The following TJP3 variants were observed in gnomAD, a reference collection of about 807,000 sequenced individuals.
The protein encoded by TJP3 is tight junction protein 3, also known as tight junction protein ZO-3.
A neutral mutation model predicts 104.2 loss-of-function variants in TJP3; 85 were observed. The observed-to-expected ratio is 0.82, with a 90% CI of 0.68 to 0.98. The LOEUF (loss-of-function observed/expected upper bound fraction) is 0.98. Ranked by LOEUF, TJP3 falls within the 50% of genes least tolerant of loss-of-function variation. The pLI, the probability that TJP3 is intolerant of heterozygous loss-of-function variation, is 0.00. For synonymous variants in TJP3, 550 were observed against 550.6 expected, an observed-to-expected ratio of 1.00 and a Z score of 0.02; for missense variants, 1,367 against 1,322.8, an observed-to-expected ratio of 1.03 and a Z score of -0.52.
Position 3,746,760 on chromosome 19 carries a change from C to T in TJP3, c.2222-16C>T, listed in dbSNP as rs373144297. ...AGCCTGAGTCTCCTGCACACACTGA[C>T]GTCCCCTCCCTGCAGCCACCATCCC... On this transcript the variant is annotated splice_polypyrimidine_tract_variant and intron_variant, in intron 17 of 20. Transcript: ENST00000541714. The surrounding 1 kb of genome is among the most constrained non-coding windows in gnomAD (Gnocchi z 4.1). 80 of 1,602,726 alleles carry T rather than the reference C, an allele frequency of 5.0e-5. No individual in the cohort carries two copies. In the East Asian group the frequency reaches 9.4e-4, roughly 19 times the overall value.
chr19:3,730,142 GCCCCTGGCATGGC>G lies in TJP3; in HGVS notation c.261+14_261+26del. The G allele has an allele frequency of 6.2e-7, 1 of 1,613,138 alleles. No individual in the cohort carries two copies. Among genetic ancestry groups the G allele is most frequent in the Non-Finnish European group, 8.5e-7 (1 of 1,179,168 alleles). On this transcript the variant is annotated intron_variant, in intron 4 of 20. Transcript: ENST00000541714. The surrounding 1 kb of genome is among the most constrained non-coding windows in gnomAD (Gnocchi z 7.3). Reference sequence around the variant, plus strand: ...AGATGGCCAACATCGTGAGTAGGCAGCCCCTGGCATGGCCAGCATCTCTGACCCCAGCCTGGGT... The same window carrying G: ...AGATGGCCAACATCGTGAGTAGGCAGCAGCATCTCTGACCCCAGCCTGGGT...
intron 15 of TJP3, among the ~76,000 whole-genome samples, chr19:3,744,535 G>A (rs1477398671): frequency 2.6e-5 from 4 of 151,816 alleles, no homozygotes; most frequent in Admixed American, 1.3e-4. Flanking sequence ...GTGGTGGCGC[G>A]TACCTGTAGT....
In TJP3 at chr19:3,722,867, G is replaced by C. The variant is rs933055928; in HGVS notation, c.-9-5557G>C. ...TGGAGATGGGGTGGCGGGGGGGGGG[G>C]GCACAGGGGACGGCGGCCCGGGAGC... On this transcript the variant is annotated intron_variant, in intron 1 of 20. Transcript: ENST00000541714. Among the ~76,000 whole-genome samples, 3 of 116,194 alleles carry C rather than the reference G, an allele frequency of 2.6e-5. 1 individual carries two copies. Among genetic ancestry groups the C allele is most frequent in the African/African-American group, 5.9e-5 (2 of 33,632 alleles). The allele number at this position is 116,194 out of a possible 152,430, so 76.2% of individuals were successfully genotyped here.
At position 3,740,529 on chromosome 19, in the gene TJP3, GTAC is replaced by G. The variant is rs2036799466; in HGVS notation, c.1632-21_1632-19del. The G allele has an allele frequency of 1.4e-6, 2 of 1,424,014 alleles. No homozygotes were observed. Among genetic ancestry groups the G allele is most frequent in the African/African-American group, 2.9e-5 (2 of 69,290 alleles). The allele number at this position is 1,424,014 out of a possible 1,614,324, so 88.2% of individuals were successfully genotyped here. ...ACCATGCTGCTGACCCCAGTGCTCA[GTAC>G]TGTCCCCTCTTCTCCCCAGGGCGGA... On this transcript the variant is annotated intron_variant, in intron 13 of 20. Coordinates refer to ENST00000541714, the MANE Select transcript of TJP3 (RefSeq NM_001267560.2).
chr19:3,730,672 G>C lies in TJP3; in HGVS notation c.579G>C (p.Val193=). The change falls in exon 5 of 21, where the codon GTG becomes GTC. Residue 193 remains valine, a synonymous_variant. Coordinates refer to ENST00000541714, the MANE Select transcript of TJP3 (RefSeq NM_001267560.2). This position sits in a 1 kb window ranked among gnomAD's most constrained non-coding sequence, Gnocchi z 7.3. ...LPRQDVQMKP[V]KSVLVKRRDS... is the part of the protein sequence containing the mutation. Reference sequence around the variant, plus strand: ...GGCAGGACGTGCAGATGAAGCCTGTGAAGTCAGTGCTGGTGAAGAGGAGAG... The same window carrying C: ...GGCAGGACGTGCAGATGAAGCCTGTCAAGTCAGTGCTGGTGAAGAGGAGAG... The C allele has an allele frequency of 6.2e-7, 1 of 1,610,540 alleles. No individual in the cohort carries two copies. The highest frequency in any genetic ancestry group is 1.1e-5 in the South Asian group (1 of 91,078).
rs902466286 is a variant in TJP3, at chr19:3,712,270, C to T, written c.-10+3709C>T. 2.6e-5 allele frequency among the ~76,000 whole-genome samples: 4 copies of T among 152,142 alleles called. No individual in the cohort carries two copies. The East Asian group carries it at 5.8e-4, about 22-fold the overall frequency. ...GGCAGAGGTTGCAGTGAGCCGGGATCGCACCACTGCACTCCAGCCCCAGAG... is the reference window on the plus strand; with the variant it reads ...GGCAGAGGTTGCAGTGAGCCGGGATTGCACCACTGCACTCCAGCCCCAGAG... On this transcript the variant is annotated intron_variant, in intron 1 of 20. Transcript: ENST00000541714.
At chr19:3,733,697 C>CT in intron 6 of TJP3, 56 bp from the exon 7 acceptor site, 1 of 1,598,112 alleles carries the variant, frequency 6.3e-7, no homozygotes, top group African/African-American at 1.3e-5. Flanking sequence ...GCTGTTTCTA[C>CT]TGTCTCCCAT....
At position 3,740,718 on chromosome 19, in the gene TJP3, C is replaced by A; in HGVS notation, c.1798C>A (p.Arg600=). 6.2e-7 allele frequency: 1 copy of A among 1,601,316 alleles called. No homozygotes were observed. Among genetic ancestry groups the A allele is most frequent in the Non-Finnish European group, 8.5e-7 (1 of 1,174,510 alleles). ...RSREDLSALT[R]QGRYPPYERV... ...CCGTGAGGACCTCTCAGCTCTGACC[C>A]GACAGGGCCGCTACCCGCCCTACGA... is the stretch of plus-strand genomic sequence containing the variant. The change falls in exon 14 of 21, where the codon CGA becomes AGA. Residue 600 remains arginine (R), a synonymous_variant. Transcript: ENST00000541714.
intron 1 of TJP3, among the ~76,000 whole-genome samples, chr19:3,709,116 T>C (rs1022713459): frequency 3.3e-5 from 5 of 152,124 alleles, no homozygotes; most frequent in Non-Finnish European, 7.4e-5. Flanking sequence ...GGCCTTTCTT[T>C]TGCTAATTTT....
Position 3,746,723 on chromosome 19 carries a change from C to T in TJP3, c.2221+28C>T, listed in dbSNP as rs373002319. 13 of 1,601,146 alleles carry T rather than the reference C, an allele frequency of 8.1e-6. No homozygotes were observed. Among genetic ancestry groups the T allele is most frequent in the East Asian group, 6.8e-5 (3 of 44,360 alleles). On this transcript the variant is annotated intron_variant, in intron 17 of 20. Transcript: ENST00000541714. This position sits in a 1 kb window ranked among gnomAD's most constrained non-coding sequence, Gnocchi z 4.1. ...TGGGGGGTGGGTGTCCCAGGGTAGG[C>T]GGGTGGGCCCCAGCCTGAGTCTCCT...
chr19:3,747,629 A>G (rs1398873865), intron 18 of TJP3, among the ~76,000 whole-genome samples, 165 bp from the exon 19 acceptor site: 1 of 152,226 alleles, frequency 6.6e-6, no homozygotes, highest in Non-Finnish European at 1.5e-5. Flanking sequence ...TGAAGGGTCA[A>G]TGGATACAAC....
intron 18 of TJP3, 115 bp from the exon 19 acceptor site, chr19:3,747,679 A>G: frequency 7.7e-7 from 1 of 1,292,200 alleles, no homozygotes; most frequent in South Asian, 1.5e-5. Context: ...CTGAGGCTCC[A>G]GGCTCCAGGC....
At chr19:3,717,605 T>G (rs2036492372) in intron 1 of TJP3, among the ~76,000 whole-genome samples, 1 of 151,462 alleles carries the variant, frequency 6.6e-6, no homozygotes, top group African/African-American at 2.4e-5. Context: ...TTGGCTAATT[T>G]TTCGTATTTT....
At chr19:3,721,662 C>T in intron 1 of TJP3, 1 of 338,552 alleles carries the variant, frequency 3.0e-6, no homozygotes, top group Non-Finnish European at 5.3e-6. Flanking sequence ...AGAGAAACCT[C>T]CGCCGCGTCC....
intron 8 of TJP3, 89 bp downstream of exon 8, chr19:3,734,524 G>A (rs546267363): frequency 8.2e-7 from 1 of 1,217,132 alleles, no homozygotes; most frequent in African/African-American, 1.5e-5. Flanking sequence ...TTCCAACTGG[G>A]GGTAACCTTG....
rs755997157 is a variant in TJP3 at position 3,734,409 on chromosome 19, C to T, written c.960C>T (p.Pro320=). 9.6e-5 allele frequency: 154 copies of T among 1,611,160 alleles called. No individual in the cohort carries two copies. The highest frequency in any genetic ancestry group is 1.6e-4 in the Middle Eastern group (1 of 6,078). ...CACCCCGGCATGCTCAGCGGAGCCC[C>T]GAGGCCAGCCAGACCGACTCTCCCG... The part of the protein sequence containing the change: ...PPPPRHAQRS[P]EASQTDSPVE... Residue 320 remains proline, a synonymous_variant, in exon 8 of 21, where the codon CCC becomes CCT. Transcript: ENST00000541714.
In TJP3 at chr19:3,746,636, C is replaced by A; in HGVS notation, c.2162C>A (p.Thr721Asn). The A allele has an allele frequency of 6.2e-7, 1 of 1,613,376 alleles. No homozygotes were observed. The highest frequency in any genetic ancestry group is 2.2e-5 in the East Asian group (1 of 44,864). The change falls in exon 17 of 21, where the codon ACC (threonine) becomes AAC (asparagine). Residue 721 changes from threonine (T) to asparagine (N), a missense_variant. Physicochemically the swap from Thr to Asn is moderately conservative, Grantham distance 65. Coordinates refer to ENST00000541714, the MANE Select transcript of TJP3 (RefSeq NM_001267560.2). The surrounding 1 kb of genome is among the most constrained non-coding windows in gnomAD (Gnocchi z 4.1). Reference sequence around the variant, plus strand: ...CTGGCGCCTGCCTCCCGCCGCAGCACCCGTCGCCTCTACGCACAAGCCCAG... The same window carrying A: ...CTGGCGCCTGCCTCCCGCCGCAGCAACCGTCGCCTCTACGCACAAGCCCAG... The part of the protein sequence containing the change: ...QWLAPASRRS[T>N]RRLYAQAQKL...
At chr19:3,717,584 T>C (rs981222661) in intron 1 of TJP3, among the ~76,000 whole-genome samples, 27 of 151,762 alleles carry the variant, frequency 1.8e-4, no homozygotes, top group Admixed American at 7.2e-4. Context: ...TACAGGCGCC[T>C]GCCACCATCC....
chr19:3,716,801 A>ATATATATTTT (rs1421328174), intron 1 of TJP3, among the ~76,000 whole-genome samples: 60 of 81,930 alleles, frequency 7.3e-4, no homozygotes, highest in African/African-American at 2.8e-3. Context: ...ATATATATAT[A>ATATATATTTT]TTTTTTTTTT....
Sources: allele counts gnomAD v4.1 joint callset (sites outside exome capture counted in the v4.1 genomes callset), GRCh38; gene constraint gnomAD v4.1.1; non-coding constraint Gnocchi (gnomAD v3.1); transcripts MANE v1.5; gene names NCBI Gene and HGNC (gene_info 2026-07-23, HGNC 2026-07-21).